Variants in CDC42BPA observed in about 807,000 individuals in gnomAD.
CDC42BPA encodes CDC42 binding protein kinase alpha, also known as serine/threonine-protein kinase MRCK alpha.
Under a neutral mutation model 223.5 loss-of-function variants are expected in CDC42BPA, and 80 were observed. That is an observed-to-expected ratio of 0.36 (90% CI 0.30 to 0.43). The LOEUF is 0.43. CDC42BPA is among the 20% of genes least tolerant of loss of function. The pLI is 1.00. For synonymous variants in CDC42BPA, 694 were observed against 718.6 expected (o/e 0.97, Z 0.55); for missense variants, 1,743 against 2,099.9 (o/e 0.83, Z 3.32).
intron 5 of CDC42BPA, among the ~76,000 whole-genome samples, chr1:227,168,129 TAGTC>T (rs1288408567): frequency 6.6e-6 from 1 of 152,124 alleles, no homozygotes; most frequent in South Asian, 2.1e-4. Context: ...TTCACCATGT[TAGTC>T]AGGCTGGTCT....
intron 17 of CDC42BPA, among the ~76,000 whole-genome samples, chr1:227,079,461 T>A (rs777348423): frequency 1.3e-5 from 2 of 152,164 alleles, no homozygotes; most frequent in Admixed American, 1.3e-4. Context: ...CTCTGTCTTC[T>A]GAAGTCATTT....
chr1:227,074,183 T>C, intron 18 of CDC42BPA, 76 bp downstream of exon 18: 5 of 1,342,294 alleles, frequency 3.7e-6, no homozygotes, highest in South Asian at 1.3e-5. Flanking sequence ...ATATAAGTAA[T>C]TGGATTTATT....
intron 12 of CDC42BPA, among the ~76,000 whole-genome samples, chr1:227,117,778 G>C (rs1688000549): frequency 6.6e-6 from 1 of 151,712 alleles, no homozygotes; most frequent in Non-Finnish European, 1.5e-5. Context: ...TAAAAATATT[G>C]ATAAATCTGG....
chr1:227,033,353 T>C lies in CDC42BPA; in HGVS notation c.3539A>G (p.Asp1180Gly), dbSNP rs1028403510. The C allele has an allele frequency of 6.2e-7, 1 of 1,611,230 alleles. No individual in the cohort carries two copies. Among genetic ancestry groups the C allele is most frequent in the African/African-American group, 1.3e-5 (1 of 74,880 alleles). ...ACTTACCCTAAATATACAGGGTATA[T>C]CTTTCCGACTTGCATGGATAACATC... Reference protein sequence around the residue: ...ASDVIHASRKDIPCIFRVTAS... With the variant: ...ASDVIHASRKGIPCIFRVTAS... Residue 1180 changes from aspartate to glycine, a missense_variant, in exon 27 of 37, where the codon GAT (aspartate) becomes GGT (glycine). Around this residue, in one of 6 missense-constraint regions of CDC42BPA, gnomAD observed 678 missense variants for 777.5 expected, o/e 0.87. Coordinates refer to ENST00000366766, the MANE Select transcript of CDC42BPA (RefSeq NM_001394014.1).
intron 17 of CDC42BPA, among the ~76,000 whole-genome samples, chr1:227,077,016 C>T (rs982213352): frequency 3.9e-5 from 6 of 152,186 alleles, no homozygotes; most frequent in Admixed American, 2.0e-4. Flanking sequence ...TCTCTTGGCA[C>T]ATTTAATCCT....
intron 5 of CDC42BPA, among the ~76,000 whole-genome samples, chr1:227,163,289 A>G (rs1330124671): frequency 6.6e-6 from 1 of 152,180 alleles, no homozygotes; most frequent in Admixed American, 6.5e-5. Context: ...TTTTAATTAT[A>G]TACATATCAA....
At chr1:227,311,393 C>G (rs1473692897) in intron 1 of CDC42BPA, among the ~76,000 whole-genome samples, 1 of 152,032 alleles carries the variant, frequency 6.6e-6, no homozygotes, top group Non-Finnish European at 1.5e-5. Flanking sequence ...TCTTGGTCCT[C>G]GATACCTAAA....
intron 2 of CDC42BPA, among the ~76,000 whole-genome samples, chr1:227,217,137 A>G (rs17613166): frequency 0.093 from 14,200 of 152,140 alleles, 844 homozygotes; most frequent in Middle Eastern, 0.17. Context: ...TTCATTCACC[A>G]TATCTCCTCT....
intron 10 of CDC42BPA, among the ~76,000 whole-genome samples, chr1:227,132,744 G>A (rs1657460006): frequency 6.6e-6 from 1 of 150,940 alleles, no homozygotes; most frequent in Non-Finnish European, 1.5e-5. Flanking sequence ...CTGCCCGCCC[G>A]CCCATCGTCT....
At chr1:227,235,992 G>A (rs1315970378) in intron 2 of CDC42BPA, among the ~76,000 whole-genome samples, 3 of 152,190 alleles carry the variant, frequency 2.0e-5, no homozygotes, top group Non-Finnish European at 4.4e-5. Flanking sequence ...ACTTTCTCCT[G>A]GGGTCCCTGA....
At chr1:227,087,357 C>T (rs1027005448) in intron 16 of CDC42BPA, among the ~76,000 whole-genome samples, 6 of 151,914 alleles carry the variant, frequency 3.9e-5, no homozygotes, top group Admixed American at 3.9e-4. Flanking sequence ...AGAAAATCAA[C>T]TGACCATAAA....
intron 21 of CDC42BPA, chr1:227,068,574 C>T: frequency 6.1e-6 from 3 of 492,366 alleles, no homozygotes; most frequent in Non-Finnish European, 9.0e-6. Context: ...AAACTGACTG[C>T]ATTACTAGGC....
chr1:227,185,751 GTC>G (rs1558703833), intron 5 of CDC42BPA, among the ~76,000 whole-genome samples: 2 of 27,784 alleles, frequency 7.2e-5, no homozygotes, highest in Non-Finnish European at 2.0e-4. Flanking sequence ...GTGTGTCCAT[GTC>G]GTTTTTTTTC....
intron 5 of CDC42BPA, among the ~76,000 whole-genome samples, chr1:227,164,684 G>C (rs939739586): frequency 5.3e-5 from 8 of 151,882 alleles, no homozygotes; most frequent in African/African-American, 1.4e-4. Context: ...GCGTGCGCAT[G>C]AGCGCACACA....
At chr1:227,285,401 C>A (rs538063889) in intron 1 of CDC42BPA, among the ~76,000 whole-genome samples, 1 of 152,204 alleles carries the variant, frequency 6.6e-6, no homozygotes, top group Non-Finnish European at 1.5e-5. Flanking sequence ...TTACATCTTA[C>A]GTAATTATTT....
At chr1:227,214,170 C>G (rs547954725) in intron 2 of CDC42BPA, among the ~76,000 whole-genome samples, 5 of 150,516 alleles carry the variant, frequency 3.3e-5, no homozygotes, top group African/African-American at 1.2e-4. Context: ...TGCTGTTCAA[C>G]GGGATATTTC....
chr1:227,124,278 C>G (rs1452436549), intron 11 of CDC42BPA, among the ~76,000 whole-genome samples: 1 of 152,060 alleles, frequency 6.6e-6, no homozygotes, highest in African/African-American at 2.4e-5. Flanking sequence ...TTGGAGAACA[C>G]TGCTGCTGGG....
At chr1:227,075,042 C>T (rs1679174336) in intron 17 of CDC42BPA, among the ~76,000 whole-genome samples, 1 of 152,134 alleles carries the variant, frequency 6.6e-6, no homozygotes, top group Non-Finnish European at 1.5e-5. Flanking sequence ...TCTTACACTT[C>T]CCTCAAGTGG....
At position 226,994,659 on chromosome 1, in the gene CDC42BPA, T is replaced by C. The variant is rs1006616778; in HGVS notation, c.5133+164A>G. 2.6e-5 allele frequency among the ~76,000 whole-genome samples: 4 copies of C among 152,198 alleles called. No homozygotes were observed. Among genetic ancestry groups the C allele is most frequent in the African/African-American group, 9.7e-5 (4 of 41,438 alleles). ...GAATGCCTCTGGGAAAACTGCAGTTTGCAGCCCGAGTGACTGGCCTAGCTG... is the reference window on the plus strand; with the variant it reads ...GAATGCCTCTGGGAAAACTGCAGTTCGCAGCCCGAGTGACTGGCCTAGCTG... On this transcript the variant is annotated intron_variant, in intron 36 of 36. Transcript: ENST00000366766. The surrounding 1 kb of genome is among the most constrained non-coding windows in gnomAD (Gnocchi z 4.0).
Sources: allele counts gnomAD v4.1 joint callset (sites outside exome capture counted in the v4.1 genomes callset), GRCh38; gene constraint gnomAD v4.1.1; regional missense constraint gnomAD v4.1.1; non-coding constraint Gnocchi (gnomAD v3.1); transcripts MANE v1.5; gene names NCBI Gene and HGNC (gene_info 2026-07-23, HGNC 2026-07-21).